The following ITPR2 variants were observed in gnomAD, a reference collection of about 807,000 sequenced individuals.
The protein encoded by ITPR2 is inositol 1,4,5-trisphosphate receptor type 2.
In ITPR2, 207 loss-of-function variants were observed where a neutral mutation model predicts 317.1. The ratio of observed to expected loss-of-function variants is 0.65; its 90% CI spans 0.58 to 0.73. ITPR2 has a LOEUF of 0.73. Ranked by LOEUF, ITPR2 falls within the 30% of genes least tolerant of loss-of-function variation. The probability of loss-of-function intolerance (pLI) is 0.00; values close to 1 mark genes in which losing one functional copy is unlikely to be tolerated. For synonymous variants in ITPR2, 1,156 were observed against 1,149.1 expected (o/e 1.01, Z -0.12); for missense variants, 2,613 against 3,284.0 (o/e 0.80, Z 4.99).
intron 15 of ITPR2, among the ~76,000 whole-genome samples, chr12:26,660,519 G>T (rs1382707013): frequency 6.6e-6 from 1 of 152,204 alleles, no homozygotes; most frequent in African/African-American, 2.4e-5. Context: ...ACAACTGATA[G>T]ATTAGAAAGT....
At chr12:26,532,787 A>G (rs1426869967) in intron 37 of ITPR2, among the ~76,000 whole-genome samples, 1 of 152,090 alleles carries the variant, frequency 6.6e-6, no homozygotes, top group Non-Finnish European at 1.5e-5. Flanking sequence ...CCTGGGTTCA[A>G]GCGATTCTCT....
chr12:26,602,798 T>C lies in ITPR2; in HGVS notation c.3463-92A>G, dbSNP rs141916333. 1,869 of 558,514 alleles carry C rather than the reference T, an allele frequency of 3.3e-3. 9 individuals carry two copies. The highest frequency in any genetic ancestry group is 4.7e-3 in the Non-Finnish European group (1,642 of 349,890). The allele number at this position is 558,514 out of a possible 1,614,324, so 34.6% of individuals were successfully genotyped here. A position where few individuals can be genotyped will look rare whatever the true frequency, so the allele number is the denominator to read the frequency against. On this transcript the variant is annotated intron_variant, in intron 26 of 56. Transcript: ENST00000381340. ...ATTAAATAATAAATATATTTTGTAA[T>C]TATTTTGTAATAAATCTATTATTCA... is the stretch of plus-strand genomic sequence containing the variant.
chr12:26,454,935 A>T (rs552669526), intron 45 of ITPR2, among the ~76,000 whole-genome samples: 18 of 152,206 alleles, frequency 1.2e-4, no homozygotes, highest in Non-Finnish European at 2.5e-4. Context: ...TTCCTGAACC[A>T]ATGAGGCTGA....
intron 21 of ITPR2, among the ~76,000 whole-genome samples, chr12:26,650,907 T>C (rs993910605): frequency 1.3e-5 from 2 of 152,212 alleles, no homozygotes; most frequent in East Asian, 3.8e-4. Context: ...CTCATTCATA[T>C]GTTGCTCATA....
chr12:26,607,799 G>A (rs757009761), intron 26 of ITPR2, among the ~76,000 whole-genome samples: 11 of 152,054 alleles, frequency 7.2e-5, no homozygotes, highest in East Asian at 1.9e-4. Context: ...AAATAATGGC[G>A]GCCGGGCGCA....
At chr12:26,716,338 A>G (rs1327032901) in intron 5 of ITPR2, 96 bp from the exon 6 acceptor site, 11 of 697,484 alleles carry the variant, frequency 1.6e-5, no homozygotes, top group Non-Finnish European at 2.5e-5. Flanking sequence ...CCCATTATTG[A>G]TCTGACATCT....
At chr12:26,782,969 C>A (rs1950123015) in intron 2 of ITPR2, among the ~76,000 whole-genome samples, 1 of 152,182 alleles carries the variant, frequency 6.6e-6, no homozygotes, top group South Asian at 2.1e-4. Context: ...CATAAAAAGT[C>A]AAAGCAACTG....
At chr12:26,647,418 A>T (rs1189529029) in intron 21 of ITPR2, among the ~76,000 whole-genome samples, 1 of 152,270 alleles carries the variant, frequency 6.6e-6, no homozygotes, top group Non-Finnish European at 1.5e-5. Context: ...ATGCTGTTGT[A>T]AAAGAAAAAA....
At chr12:26,598,180 T>C (rs1945897297) in intron 30 of ITPR2, among the ~76,000 whole-genome samples, 2 of 152,246 alleles carry the variant, frequency 1.3e-5, no homozygotes, top group South Asian at 2.1e-4. Flanking sequence ...TGTAGGCAAA[T>C]GCAGATAAGA....
chr12:26,688,771 CT>C (rs1199265797), intron 10 of ITPR2, among the ~76,000 whole-genome samples: 1 of 152,100 alleles, frequency 6.6e-6, no homozygotes, highest in Admixed American at 6.5e-5. Flanking sequence ...GGCTAAGACC[CT>C]CCCCCAAGTC....
At chr12:26,710,060 C>A (rs55747717) in intron 9 of ITPR2, among the ~76,000 whole-genome samples, 4 of 152,036 alleles carry the variant, frequency 2.6e-5, no homozygotes, top group African/African-American at 9.7e-5. Flanking sequence ...ATGGCAAAAC[C>A]CCTTCTCTAC....
At chr12:26,375,121 C>G (rs1591972860) in intron 55 of ITPR2, among the ~76,000 whole-genome samples, 1 of 152,154 alleles carries the variant, frequency 6.6e-6, no homozygotes, top group East Asian at 1.9e-4. Context: ...TGGAAGAAAG[C>G]CAGAGTTTCT....
Position 26,757,741 on chromosome 12 carries a change from T to C in ITPR2, c.164-31976A>G, listed in dbSNP as rs1442887193. On this transcript the variant is annotated intron_variant, in intron 2 of 56. Transcript: ENST00000381340. ...GGTTGGTTCTCACACTTTGCATGAC[T>C]TTTGAAATACATGAAAATACTTAAT... 2.6e-5 allele frequency among the ~76,000 whole-genome samples: 4 copies of C among 152,310 alleles called. No individual in the cohort carries two copies. The East Asian group carries it at 5.8e-4, about 22-fold the overall frequency.
Position 26,790,204 on chromosome 12 carries a change from A to C in ITPR2, c.116T>G (p.Val39Gly). 6.2e-7 allele frequency: 1 copy of C among 1,613,824 alleles called. No individual in the cohort carries two copies. Residue 39 changes from valine (V) to glycine (G), a missense_variant, in exon 2 of 57, where the codon GTG becomes GGG. Physicochemically the swap from Val to Gly is moderately radical, Grantham distance 109. Transcript: ENST00000381340. ...TLGLVDDRCV[V>G]HPEAGDLANP... ...GGCAAGGTCCCCGGCCTCTGGGTGC[A>C]CCACACATCTGTCATCCACTAACCT...
intron 37 of ITPR2, among the ~76,000 whole-genome samples, chr12:26,539,608 C>T (rs992062498): frequency 6.6e-6 from 1 of 152,192 alleles, no homozygotes; most frequent in Non-Finnish European, 1.5e-5. Context: ...CTGCTCCAAT[C>T]CCCCTTGGCT....
intron 5 of ITPR2, among the ~76,000 whole-genome samples, chr12:26,716,963 C>T (rs1348366837): frequency 6.6e-6 from 1 of 152,060 alleles, no homozygotes; most frequent in Non-Finnish European, 1.5e-5. Context: ...TAGCAATATC[C>T]ACCTTCTCTT....
chr12:26,584,337 T>C (rs1367240569), intron 32 of ITPR2, among the ~76,000 whole-genome samples: 2 of 152,176 alleles, frequency 1.3e-5, no homozygotes, highest in Non-Finnish European at 2.9e-5. Flanking sequence ...GCCATTAGGA[T>C]ATATGCTCCT....
At chr12:26,778,404 A>T (rs1041002954) in intron 2 of ITPR2, among the ~76,000 whole-genome samples, 2 of 152,208 alleles carry the variant, frequency 1.3e-5, no homozygotes, top group Admixed American at 6.5e-5. Context: ...GGATTATCAT[A>T]AGCTTAACGA....
At chr12:26,720,969 T>C (rs540981017) in intron 5 of ITPR2, among the ~76,000 whole-genome samples, 1 of 152,300 alleles carries the variant, frequency 6.6e-6, no homozygotes, top group Admixed American at 6.5e-5. Context: ...TCAGGTTTTG[T>C]TTGTTTTCAT....
Sources: allele counts gnomAD v4.1 joint callset (sites outside exome capture counted in the v4.1 genomes callset), GRCh38; gene constraint gnomAD v4.1.1; transcripts MANE v1.5; gene names NCBI Gene and HGNC (gene_info 2026-07-23, HGNC 2026-07-21).